DENND1A: variants seen among roughly 807,000 people sequenced by gnomAD.
DENND1A encodes DENN domain-containing protein 1A.
Under a neutral mutation model 113.7 loss-of-function variants are expected in DENND1A, and 51 were observed. The observed-to-expected ratio is 0.45, with a 90% CI of 0.36 to 0.57. DENND1A has a LOEUF of 0.57. Ranked by LOEUF, DENND1A falls within the 20% of genes least tolerant of loss-of-function variation. The pLI is 0.00. For synonymous variants in DENND1A, 565 were observed against 570.8 expected (o/e 0.99, Z 0.14); for missense variants, 1,258 against 1,395.9 (o/e 0.90, Z 1.57).
chr9:123,451,437 C>G (rs536436307), intron 17 of DENND1A, among the ~76,000 whole-genome samples: 1 of 152,316 alleles, frequency 6.6e-6, no homozygotes, highest in Non-Finnish European at 1.5e-5. Flanking sequence ...AGATGAAGCA[C>G]CGGGAACAGA....
At chr9:123,416,269 C>G (rs28391457) in intron 19 of DENND1A, among the ~76,000 whole-genome samples, 23,480 of 152,086 alleles carry the variant, frequency 0.15, 1,891 homozygotes, top group Admixed American at 0.19. Flanking sequence ...GGTGCTCCTG[C>G]CCTTGCTAAG....
chr9:123,582,474 A>T (rs550936581), intron 12 of DENND1A, among the ~76,000 whole-genome samples: 2 of 151,008 alleles, frequency 1.3e-5, no homozygotes, highest in South Asian at 4.2e-4. Context: ...ATCTCAGCTC[A>T]CTGCAACCTC....
intron 13 of DENND1A, among the ~76,000 whole-genome samples, chr9:123,476,402 G>T: frequency 6.6e-6 from 1 of 152,298 alleles, no homozygotes; most frequent in South Asian, 2.1e-4. Flanking sequence ...GGAGTCTCCA[G>T]CCTTCCATGG....
intron 5 of DENND1A, among the ~76,000 whole-genome samples, chr9:123,736,126 A>T (rs1189220841): frequency 1.3e-5 from 2 of 151,850 alleles, no homozygotes; most frequent in African/African-American, 4.9e-5. Flanking sequence ...GTAACTATAC[A>T]CACCAATAGC....
intron 3 of DENND1A, among the ~76,000 whole-genome samples, chr9:123,782,516 C>T (rs1312222829): frequency 6.6e-6 from 1 of 152,172 alleles, no homozygotes; most frequent in Non-Finnish European, 1.5e-5. Context: ...CAGCCATGCA[C>T]AGTTAGTTAC....
At chr9:123,583,057 C>A in intron 12 of DENND1A, 112 bp downstream of exon 12, 1 of 764,090 alleles carries the variant, frequency 1.3e-6, no homozygotes. Flanking sequence ...CTGCAGTTCT[C>A]AGGTCACAGG....
intron 13 of DENND1A, among the ~76,000 whole-genome samples, chr9:123,513,187 A>T (rs1234524045): frequency 3.3e-5 from 5 of 152,104 alleles, no homozygotes; most frequent in African/African-American, 1.2e-4. Flanking sequence ...GTTGACTGTG[A>T]TTCTCAGGGC....
At chr9:123,822,267 C>T (rs1350343143) in intron 2 of DENND1A, among the ~76,000 whole-genome samples, 1 of 152,070 alleles carries the variant, frequency 6.6e-6, no homozygotes, top group African/African-American at 2.4e-5. Flanking sequence ...TTATGATAAA[C>T]ACAATATAAT....
In DENND1A at chr9:123,382,181, G is replaced by A. The variant is rs558030378; in HGVS notation, c.2464C>T (p.Pro822Ser). ...CTGAGCGGCTGGAGCAGTTCAGTGG[G>A]GCCTTGGGGGACAACACCAGGCAGG... ...GLLPGVVPQGPTELLQPLSPG... is the reference protein window; with the variant it reads ...GLLPGVVPQGSTELLQPLSPG... Residue 822 changes from proline (P) to serine (S), a missense_variant, in exon 24 of 24, where the codon CCC becomes TCC. By Grantham distance (74) the Pro-to-Ser change is moderately conservative. Coordinates refer to ENST00000394215, the MANE Select transcript of DENND1A (RefSeq NM_001352964.2). 2.1e-5 allele frequency: 34 copies of A among 1,609,560 alleles called. No homozygotes were observed. The highest frequency in any genetic ancestry group is 9.3e-5 in the African/African-American group (7 of 75,008).
At chr9:123,778,556 G>GGAGCC (rs1235506405) in intron 3 of DENND1A, among the ~76,000 whole-genome samples, 5 of 152,226 alleles carry the variant, frequency 3.3e-5, no homozygotes, top group Non-Finnish European at 7.3e-5. Context: ...ACCTAAGGAA[G>GGAGCC]GAGCCGGCAA....
chr9:123,599,187 C>A (rs1335556738), intron 11 of DENND1A, among the ~76,000 whole-genome samples: 3 of 152,192 alleles, frequency 2.0e-5, no homozygotes, highest in Non-Finnish European at 4.4e-5. Flanking sequence ...AAAGAAAAAA[C>A]CTACTTCTTT....
At position 123,757,673 on chromosome 9, in the gene DENND1A, C is replaced by T. The variant is rs773522147; in HGVS notation, c.302+30G>A. ...CAGAAGCTGACATTGCTTCAGAGAACAAGCCAACAGCCCAAGCCTTCTCCC... is the reference window on the plus strand; with the variant it reads ...CAGAAGCTGACATTGCTTCAGAGAATAAGCCAACAGCCCAAGCCTTCTCCC... On this transcript the variant is annotated intron_variant, in intron 5 of 23. Coordinates refer to ENST00000394215, the MANE Select transcript of DENND1A (RefSeq NM_001352964.2). 17 of 1,606,370 alleles carry T rather than the reference C, an allele frequency of 1.1e-5. 1 individual carries two copies. The highest frequency in any genetic ancestry group is 1.8e-4 in the Middle Eastern group (1 of 5,624).
At chr9:123,393,097 C>T (rs1233064744) in intron 21 of DENND1A, among the ~76,000 whole-genome samples, 2 of 152,208 alleles carry the variant, frequency 1.3e-5, no homozygotes, top group African/African-American at 2.4e-5. Context: ...ATCTTTGCAA[C>T]CTTATTTTCT....
At chr9:123,436,811 G>T (rs200383049) in intron 19 of DENND1A, among the ~76,000 whole-genome samples, 1 of 151,416 alleles carries the variant, frequency 6.6e-6, no homozygotes, top group African/African-American at 2.4e-5. Context: ...GCAGTGGTGC[G>T]ATCTCAGCTC....
chr9:123,828,309 GAACA>G (rs1471778150), intron 2 of DENND1A, among the ~76,000 whole-genome samples: 6 of 151,958 alleles, frequency 3.9e-5, no homozygotes, highest in Admixed American at 3.3e-4. Flanking sequence ...AAAAACAAGT[GAACA>G]GATAGGTCAG....
intron 21 of DENND1A, among the ~76,000 whole-genome samples, chr9:123,389,774 C>T (rs1054178679): frequency 2.0e-5 from 3 of 152,128 alleles, no homozygotes; most frequent in Non-Finnish European, 2.9e-5. Flanking sequence ...AGCCCACTCT[C>T]ACTCTGCAGC....
chr9:123,527,386 A>T (rs1173565803), intron 13 of DENND1A, among the ~76,000 whole-genome samples: 2 of 152,190 alleles, frequency 1.3e-5, no homozygotes, highest in Non-Finnish European at 2.9e-5. Flanking sequence ...CAATGACCTA[A>T]GGATTCATTT....
intron 13 of DENND1A, among the ~76,000 whole-genome samples, chr9:123,513,959 G>A (rs1241333208): frequency 2.6e-5 from 4 of 152,044 alleles, no homozygotes; most frequent in Non-Finnish European, 5.9e-5. Context: ...GCAAAGTGCT[G>A]GTCACCAGAT....
At chr9:123,450,613 C>T in intron 18 of DENND1A, 80 bp downstream of exon 18, 4 of 1,175,374 alleles carry the variant, frequency 3.4e-6, no homozygotes, top group Non-Finnish European at 5.0e-6. Flanking sequence ...AAACAGCCCT[C>T]TATTGATCCC....
Sources: gnomAD v4.1 joint callset for allele counts (sites outside exome capture counted in the v4.1 genomes callset) on GRCh38, gnomAD v4.1.1 for gene constraint, MANE v1.5 for transcripts, NCBI Gene and HGNC (gene_info 2026-07-23, HGNC 2026-07-21) for gene names.